The following ASAH2 variants were observed in gnomAD, a reference collection of about 807,000 sequenced individuals.
ASAH2 encodes the protein neutral ceramidase.
Under a neutral mutation model 82.9 loss-of-function variants are expected in ASAH2, and 58 were observed. The observed-to-expected ratio is 0.70, with a 90% CI of 0.57 to 0.87. ASAH2 has a LOEUF of 0.87. Among genes scored for constraint, ASAH2 ranks in the 40% least tolerant of loss-of-function variants. ASAH2 has a pLI of 0.00. For synonymous variants in ASAH2, 276 were observed against 289.7 expected (o/e 0.95, Z 0.48); for missense variants, 779 against 834.0 (o/e 0.93, Z 0.81).
chr10:50,197,872 T>G (rs375489771), intron 17 of ASAH2, among the ~76,000 whole-genome samples: 35,475 of 148,012 alleles, frequency 0.24, 5,421 homozygotes, highest in African/African-American at 0.44. Context: ...TGGATTATAG[T>G]TTTATGCTTT....
Position 50,204,963 on chromosome 10 carries a change from C to A in ASAH2, c.1531-8G>T. ...GGGGTGAGGTTTTGATAGCTGAGAA[C>A]CCAAAACAAGAAAATTATGTTAGGG... On this transcript the variant is annotated splice_region_variant and splice_polypyrimidine_tract_variant and intron_variant, in intron 13 of 20. Coordinates refer to ENST00000682911, the MANE Select transcript of ASAH2 (RefSeq NM_019893.4). 4 of 1,591,686 alleles carry A rather than the reference C, an allele frequency of 2.5e-6. No homozygotes were observed. Among genetic ancestry groups the A allele is most frequent in the South Asian group, 1.1e-5 (1 of 88,378 alleles).
intron 4 of ASAH2, among the ~76,000 whole-genome samples, chr10:50,239,236 G>A (rs1161662851): frequency 6.6e-6 from 1 of 152,112 alleles, no homozygotes; most frequent in Non-Finnish European, 1.5e-5. Context: ...CATAGAAGCA[G>A]GTGTTATAAA....
At chr10:50,217,454 C>G (rs1845634671) in intron 8 of ASAH2, among the ~76,000 whole-genome samples, 1 of 152,116 alleles carries the variant, frequency 6.6e-6, no homozygotes, top group Non-Finnish European at 1.5e-5. Context: ...GTCTCGAACT[C>G]CTGACCTCAT....
chr10:50,223,703 T>C (rs981560167), intron 7 of ASAH2, among the ~76,000 whole-genome samples: 23 of 152,260 alleles, frequency 1.5e-4, no homozygotes, highest in African/African-American at 5.3e-4. Flanking sequence ...GTTTTATAGA[T>C]GTAATCAAGG....
At chr10:50,206,158 T>A (rs1845290474) in intron 12 of ASAH2, 61 bp from the exon 13 acceptor site, 2 of 1,136,232 alleles carry the variant, frequency 1.8e-6, no homozygotes, top group Non-Finnish European at 2.7e-6. Flanking sequence ...AAAGTCATTA[T>A]CTTGACAAAT....
chr10:50,219,487 G>A (rs4935561), intron 7 of ASAH2, among the ~76,000 whole-genome samples: 3,633 of 152,170 alleles, frequency 0.024, 75 homozygotes, highest in Middle Eastern at 0.12. Context: ...CAGGTGAAAA[G>A]GATATTTACA....
At chr10:50,209,777 C>A (rs989075726) in intron 12 of ASAH2, among the ~76,000 whole-genome samples, 4 of 152,142 alleles carry the variant, frequency 2.6e-5, no homozygotes, top group Non-Finnish European at 4.4e-5. Flanking sequence ...TTAATACGCA[C>A]ATGAAAAGGT....
At chr10:50,200,366 C>CA (rs1845107564) in intron 16 of ASAH2, among the ~76,000 whole-genome samples, 23 of 151,138 alleles carry the variant, frequency 1.5e-4, no homozygotes, top group African/African-American at 4.8e-4. Flanking sequence ...CTTACCATCA[C>CA]CCTCCGCATA....
chr10:50,206,522 C>T (rs1486715290), intron 12 of ASAH2, among the ~76,000 whole-genome samples: 1 of 131,456 alleles, frequency 7.6e-6, no homozygotes, highest in Non-Finnish European at 1.6e-5. Flanking sequence ...ATAATTTCTC[C>T]TGAATTTAGT....
At chr10:50,227,468 T>C (rs1845916900) in intron 7 of ASAH2, among the ~76,000 whole-genome samples, 2 of 152,334 alleles carry the variant, frequency 1.3e-5, no homozygotes, top group South Asian at 4.1e-4. Flanking sequence ...TATTTCTTAT[T>C]ATATGTTCCA....
Position 50,248,716 on chromosome 10 carries a change from C to T in ASAH2, c.-36-70G>A, listed in dbSNP as rs966317235. 12 of 1,187,140 alleles carry T rather than the reference C, an allele frequency of 1.0e-5. No homozygotes were observed. In the African/African-American group the frequency reaches 1.4e-4, roughly 14 times the overall value. 73.5% of individuals were successfully genotyped at this position (1,187,140 alleles called of 1,614,324 possible). A position where few individuals can be genotyped will look rare whatever the true frequency, so the allele number is the denominator to read the frequency against. ...CAACCGAGGTTAAGATATCTTAGCT[C>T]TTTCATATTAATAGACTATACCAAG... On this transcript the variant is annotated intron_variant, in intron 1 of 20. Coordinates refer to ENST00000682911, the MANE Select transcript of ASAH2 (RefSeq NM_019893.4).
At position 50,203,644 on chromosome 10, in the gene ASAH2, T is replaced by C; in HGVS notation, c.1661A>G (p.Gln554Arg). 6.2e-7 allele frequency: 1 copy of C among 1,612,322 alleles called. No homozygotes were observed. Among genetic ancestry groups the C allele is most frequent in the Non-Finnish European group, 8.5e-7 (1 of 1,178,640 alleles). Residue 554 changes from glutamine (Q) to arginine (R), a missense_variant, in exon 15 of 21, where the codon CAA (glutamine) becomes CGA (arginine). Transcript: ENST00000682911. Reference protein sequence around the residue: ...MSGRRLREAVQAEFASHGMQN... With the variant: ...MSGRRLREAVRAEFASHGMQN... Reference sequence around the variant, plus strand: ...GTTATTTTATTTTTAACTTACTGCTTGAACTGCCTCTCGAAGTCTTCGTCC... The same window carrying C: ...GTTATTTTATTTTTAACTTACTGCTCGAACTGCCTCTCGAAGTCTTCGTCC...
intron 4 of ASAH2, among the ~76,000 whole-genome samples, chr10:50,237,042 G>T (rs976342443): frequency 2.0e-5 from 3 of 152,150 alleles, no homozygotes; most frequent in Non-Finnish European, 4.4e-5. Flanking sequence ...GTGTTAGTGA[G>T]GAAAGATCTT....
chr10:50,211,184 A>ACT, intron 10 of ASAH2, 50 bp from the exon 11 acceptor site: 1 of 1,233,416 alleles, frequency 8.1e-7, no homozygotes, highest in Non-Finnish European at 1.2e-6. Flanking sequence ...TAAAGTGATC[A>ACT]TCTCCAACTG....
intron 1 of ASAH2, among the ~76,000 whole-genome samples, chr10:50,249,616 A>T (rs1846564183): frequency 6.6e-6 from 1 of 152,216 alleles, no homozygotes; most frequent in South Asian, 2.1e-4. Flanking sequence ...CTTATCTCAA[A>T]GTTCTTATAA....
At chr10:50,209,653 G>A (rs1267237589) in intron 12 of ASAH2, among the ~76,000 whole-genome samples, 2 of 151,864 alleles carry the variant, frequency 1.3e-5, no homozygotes, top group Non-Finnish European at 2.9e-5. Flanking sequence ...ATAAGGGAAC[G>A]TATACAGAAT....
At chr10:50,250,568 G>T (rs1429767371) in intron 1 of ASAH2, among the ~76,000 whole-genome samples, 1 of 152,142 alleles carries the variant, frequency 6.6e-6, no homozygotes, top group Non-Finnish European at 1.5e-5. Flanking sequence ...CTACTCATTA[G>T]CAGCTGTTTC....
At chr10:50,199,723 C>T (rs1328306497) in intron 16 of ASAH2, among the ~76,000 whole-genome samples, 13 of 150,504 alleles carry the variant, frequency 8.6e-5, no homozygotes, top group African/African-American at 3.2e-4. Flanking sequence ...CGAATGTCAT[C>T]TTTCCAGTCT....
At chr10:50,219,530 C>T (rs1022580584) in intron 7 of ASAH2, among the ~76,000 whole-genome samples, 17 of 152,176 alleles carry the variant, frequency 1.1e-4, no homozygotes, top group African/African-American at 3.9e-4. Flanking sequence ...TTAACTGGAA[C>T]GCTCAAGAAA....
Sources: allele counts gnomAD v4.1 joint callset (sites outside exome capture counted in the v4.1 genomes callset), GRCh38; gene constraint gnomAD v4.1.1; transcripts MANE v1.5; gene names NCBI Gene and HGNC (gene_info 2026-07-23, HGNC 2026-07-21).